EIF2D: variants seen among roughly 807,000 people sequenced by gnomAD.
The protein encoded by EIF2D is hepatocellular carcinoma-associated antigen 56.
EIF2D carries 56 observed loss-of-function variants against 77.4 expected under a neutral mutation model. That is an observed-to-expected ratio of 0.72 (90% CI 0.58 to 0.90). The LOEUF (loss-of-function observed/expected upper bound fraction) is 0.90. Ranked by LOEUF, EIF2D falls within the 40% of genes least tolerant of loss-of-function variation. The pLI is 0.00. For missense variants in EIF2D, 574 were observed against 706.5 expected (o/e 0.81, Z 2.13); for synonymous variants, 230 against 271.0 (o/e 0.85, Z 1.49).
rs1166582186 is a variant in EIF2D, at chr1:206,579,942, G to T, written c.*254+750C>A. 6.6e-6 allele frequency among the ~76,000 whole-genome samples: 1 copy of T among 152,230 alleles called. No homozygotes were observed. The highest frequency in any genetic ancestry group is 2.4e-5 in the African/African-American group (1 of 41,454). ...ATTTTTGTGGGCAGCAGCCATCCCA[G>T]ACCTGGGTGCTGGCATTCCATGGCT... On this transcript the variant is annotated intron_variant and NMD_transcript_variant, in intron 4 of 5. Coordinates refer to the EIF2D transcript ENST00000472709. The surrounding 1 kb of genome is among the most constrained non-coding windows in gnomAD (Gnocchi z 4.2).
intron 2 of EIF2D, among the ~76,000 whole-genome samples, chr1:206,610,911 A>G (rs1670449187): frequency 6.6e-6 from 1 of 152,132 alleles, no homozygotes; most frequent in African/African-American, 2.4e-5. Flanking sequence ...CTGTTCCTTC[A>G]TCTCAGAACT....
rs183348196 is a variant in EIF2D at position 206,611,108 on chromosome 1, T to C, written c.247+76A>G. On this transcript the variant is annotated intron_variant, in intron 2 of 14. Transcript: ENST00000271764. ...TGCTTGCTTATTTTATGGGAGACAA[T>C]GGAAGAAACAGAGAGAAGCAGATGT... 49 of 1,385,406 alleles carry C rather than the reference T, an allele frequency of 3.5e-5. No homozygotes were observed. In the East Asian group the frequency reaches 1.1e-3, roughly 31 times the overall value. The allele number at this position is 1,385,406 out of a possible 1,614,324, so 85.8% of individuals were successfully genotyped here. A position where few individuals can be genotyped will look rare whatever the true frequency, so the allele number is the denominator to read the frequency against.
In EIF2D at chr1:206,581,672, G is replaced by GAAAAGAAAGAAA. The variant is rs1553406365; in HGVS notation, c.139-511_139-510insTTTCTTTCTTTT. Among the ~76,000 whole-genome samples the GAAAAGAAAGAAA allele has an allele frequency of 3.6e-3, 546 of 151,402 alleles. 4 individuals are homozygous for GAAAAGAAAGAAA. Among genetic ancestry groups the GAAAAGAAAGAAA allele is most frequent in the African/African-American group, 0.013 (515 of 41,122 alleles). ...GAGAGAAAGAAAAGGAAGGAAGGAA[G>GAAAAGAAAGAAA]GAAAGAAAGAAAGGAGGATGTCAGC... On this transcript the variant is annotated intron_variant and NMD_transcript_variant, in intron 2 of 5. Transcript: ENST00000472709.
Position 206,584,495 on chromosome 1 carries a change from G to C in EIF2D, c.139-3333C>G, listed in dbSNP as rs782667123. On this transcript the variant is annotated intron_variant and NMD_transcript_variant, in intron 2 of 5. Coordinates refer to the EIF2D transcript ENST00000472709. The surrounding 1 kb of genome is among the most constrained non-coding windows in gnomAD (Gnocchi z 4.9). ...CCAGTCCATCTATGATGCCATCAAG[G>C]AGGTGAACCTGGCGGCTACCACGGA... The C allele has an allele frequency of 3.7e-6, 6 of 1,614,146 alleles. No homozygotes were observed. The highest frequency in any genetic ancestry group is 4.2e-6 in the Non-Finnish European group (5 of 1,180,006).
intron 5 of EIF2D, among the ~76,000 whole-genome samples, chr1:206,571,694 G>A (rs1272792595): frequency 1.3e-5 from 2 of 152,192 alleles, no homozygotes; most frequent in Non-Finnish European, 2.9e-5. Flanking sequence ...GTCAGTTCCA[G>A]GGGCAGGAGG....
At chr1:206,609,890 T>G (rs1475046682) in intron 2 of EIF2D, among the ~76,000 whole-genome samples, 1 of 152,216 alleles carries the variant, frequency 6.6e-6, no homozygotes, top group Non-Finnish European at 1.5e-5. Context: ...TGTGGTTGTC[T>G]TCAGGTACAG....
At chr1:206,595,100 G>A (rs1170583598) in intron 13 of EIF2D, 1 of 152,210 alleles carries the variant, frequency 6.6e-6, no homozygotes, top group African/African-American at 2.4e-5. Context: ...AGGCAGTGAG[G>A]CAACGGCTGC....
At chr1:206,606,802 G>A (rs1670222612) in intron 4 of EIF2D, among the ~76,000 whole-genome samples, 2 of 152,140 alleles carry the variant, frequency 1.3e-5, no homozygotes, top group South Asian at 2.1e-4. Context: ...ATAGTAAGAT[G>A]TAATTTTTCA....
Position 206,585,081 on chromosome 1 carries a change from G to A in EIF2D, c.139-3919C>T, listed in dbSNP as rs537393904. Reference sequence around the variant, plus strand: ...AAAAGGCCCGTGTCTACTTCCAGTTGTACGTACCCCACCTCTGCATTTCCA... The same window carrying A: ...AAAAGGCCCGTGTCTACTTCCAGTTATACGTACCCCACCTCTGCATTTCCA... On this transcript the variant is annotated intron_variant and NMD_transcript_variant, in intron 2 of 5. Transcript: ENST00000472709. The A allele has an allele frequency of 6.1e-6, 5 of 819,774 alleles. No homozygotes were observed. In the East Asian group the frequency reaches 1.2e-4, roughly 20 times the overall value. The allele number at this position is 819,774 out of a possible 1,614,324, so 50.8% of individuals were successfully genotyped here.
chr1:206,570,440 C>T (rs536813083), downstream of EIF2D, among the ~76,000 whole-genome samples: 9 of 152,152 alleles, frequency 5.9e-5, no homozygotes, highest in Admixed American at 4.6e-4. Flanking sequence ...TTAAGTATAA[C>T]CTCACATTGT....
At chr1:206,600,164 A>G in intron 8 of EIF2D, 99 bp downstream of exon 8, 1 of 1,236,540 alleles carries the variant, frequency 8.1e-7, no homozygotes, top group Non-Finnish European at 1.2e-6. Flanking sequence ...TTCTAGACTG[A>G]GCCTGGTAGA....
chr1:206,570,407 C>T (rs1030410660), downstream of EIF2D, among the ~76,000 whole-genome samples: 1 of 152,104 alleles, frequency 6.6e-6, no homozygotes, highest in Non-Finnish European at 1.5e-5. Flanking sequence ...ATGTACCATT[C>T]TTAAGTGCAT....
intron 7 of EIF2D, 170 bp from the exon 8 acceptor site, chr1:206,600,478 GGGACAT>G (rs1354423450): frequency 1.7e-5 from 10 of 603,604 alleles, no homozygotes; most frequent in Non-Finnish European, 2.7e-5. Context: ...TGCAGACTAT[GGGACAT>G]TCTAAATCAG....
intron 5 of EIF2D, chr1:206,605,122 C>A (rs959855533): frequency 3.9e-6 from 1 of 257,828 alleles, no homozygotes; most frequent in Non-Finnish European, 7.4e-6. Context: ...TATAAAAAAA[C>A]GAGTATCACT....
At chr1:206,585,234 C>T in intron 2 of EIF2D, 2 of 1,614,188 alleles carry the variant, frequency 1.2e-6, no homozygotes, top group Admixed American at 1.7e-5. Context: ...CGCCTGCTTG[C>T]TGGGCCTGAC....
chr1:206,570,337 T>G (rs73080958), downstream of EIF2D, among the ~76,000 whole-genome samples: 1,072 of 152,140 alleles, frequency 7.0e-3, 15 homozygotes, highest in African/African-American at 0.021. Context: ...CAAGAGATCT[T>G]CCTGCCTCGG....
intron 4 of EIF2D, among the ~76,000 whole-genome samples, chr1:206,575,478 C>T (rs1359102896): frequency 6.6e-6 from 1 of 152,158 alleles, no homozygotes; most frequent in Non-Finnish European, 1.5e-5. Flanking sequence ...AAGATAGAGT[C>T]TTGCTGACAA....
chr1:206,587,031 T>C (rs1669146671), downstream of EIF2D: 2 of 1,601,420 alleles, frequency 1.2e-6, no homozygotes, highest in Non-Finnish European at 1.7e-6. Context: ...GTATTATTAA[T>C]TATTATTTTG....
intron 2 of EIF2D, chr1:206,583,485 C>T (rs1341434096): frequency 1.4e-5 from 11 of 770,736 alleles, no homozygotes; most frequent in Non-Finnish European, 2.5e-5. Flanking sequence ...GGCAGGTCCC[C>T]TCCCTTTCCT....
Sources: allele counts gnomAD v4.1 joint callset (sites outside exome capture counted in the v4.1 genomes callset), GRCh38; gene constraint gnomAD v4.1.1; non-coding constraint Gnocchi (gnomAD v3.1); transcripts MANE v1.5; gene names NCBI Gene and HGNC (gene_info 2026-07-23, HGNC 2026-07-21).